ERBB4: variants seen among roughly 807,000 people sequenced by gnomAD.
ERBB4 encodes the protein receptor tyrosine-protein kinase erbB-4.
A neutral mutation model predicts 158.0 loss-of-function variants in ERBB4; 42 were observed. The ratio of observed to expected loss-of-function variants is 0.27; its 90% confidence interval spans 0.21 to 0.34. The LOEUF is 0.34. Among genes scored for constraint, ERBB4 ranks in the 10% least tolerant of loss-of-function variants. ERBB4 has a pLI of 1.00. For synonymous variants in ERBB4, 583 were observed against 558.7 expected, an observed-to-expected ratio of 1.04 and a Z score of -0.61; for missense variants, 1,333 against 1,624.1, an observed-to-expected ratio of 0.82 and a Z score of 3.08.
At chr2:212,425,350 G>T (rs895976723) in intron 1 of ERBB4, among the ~76,000 whole-genome samples, 4 of 146,584 alleles carry the variant, frequency 2.7e-5, no homozygotes, top group African/African-American at 9.9e-5. Flanking sequence ...ACATATATAT[G>T]AACATATATG....
intron 4 of ERBB4, among the ~76,000 whole-genome samples, chr2:211,754,375 G>A (rs2075233918): frequency 1.3e-5 from 2 of 150,422 alleles, no homozygotes; most frequent in Admixed American, 6.6e-5. Flanking sequence ...AACCTGGTAC[G>A]TGATTCTTCC....
intron 1 of ERBB4, among the ~76,000 whole-genome samples, chr2:212,439,344 T>C (rs564723912): frequency 6.6e-6 from 1 of 152,180 alleles, no homozygotes; most frequent in Non-Finnish European, 1.5e-5. Context: ...TATCTCTAAC[T>C]TTATCAGGTT....
At chr2:211,845,788 T>G (rs1206112911) in intron 3 of ERBB4, among the ~76,000 whole-genome samples, 1 of 152,154 alleles carries the variant, frequency 6.6e-6, no homozygotes, top group African/African-American at 2.4e-5. Context: ...ACTTGTTCAA[T>G]CTTATCTACT....
In ERBB4 at chr2:211,877,690, A is replaced by G. The variant is rs969568119; in HGVS notation, c.421+69740T>C. 2.0e-5 allele frequency among the ~76,000 whole-genome samples: 3 copies of G among 152,326 alleles called. No individual in the cohort carries two copies. In the South Asian group the frequency reaches 6.2e-4, roughly 32 times the overall value. On this transcript the variant is annotated intron_variant, in intron 3 of 27. Coordinates refer to ENST00000342788, the MANE Select transcript of ERBB4 (RefSeq NM_005235.3). ...GCATTTTTAAATGAAAACAATTTGTATAGGAAATAAATACCTGAATATACT... is the reference window on the plus strand; with the variant it reads ...GCATTTTTAAATGAAAACAATTTGTGTAGGAAATAAATACCTGAATATACT...
intron 1 of ERBB4, among the ~76,000 whole-genome samples, chr2:212,286,767 A>ATTTTGTTTTTT (rs2085995028): frequency 2.5e-5 from 1 of 39,562 alleles, no homozygotes. Flanking sequence ...ATGAGGGTTA[A>ATTTTGTTTTTT]TTTTTTTTTT....
intron 1 of ERBB4, among the ~76,000 whole-genome samples, chr2:212,316,740 T>C (rs973226824): frequency 1.3e-5 from 2 of 151,440 alleles, no homozygotes; most frequent in African/African-American, 4.8e-5. Flanking sequence ...GATTTTTGAG[T>C]GGTTAAAAAA....
intron 1 of ERBB4, among the ~76,000 whole-genome samples, chr2:212,335,780 A>T (rs912922856): frequency 6.6e-6 from 1 of 152,012 alleles, no homozygotes; most frequent in African/African-American, 2.4e-5. Flanking sequence ...CTATAGTGAG[A>T]GAGCAAGCGT....
intron 20 of ERBB4, among the ~76,000 whole-genome samples, chr2:211,524,807 C>T (rs1463891271): frequency 6.6e-6 from 1 of 152,156 alleles, no homozygotes; most frequent in Non-Finnish European, 1.5e-5. Flanking sequence ...CCTTGGCCAG[C>T]CCAGAAAGGG....
chr2:211,955,012 G>C (rs1429655823), intron 2 of ERBB4, among the ~76,000 whole-genome samples: 1 of 151,946 alleles, frequency 6.6e-6, no homozygotes, highest in Non-Finnish European at 1.5e-5. Context: ...TGCCACCCTG[G>C]CAAGGAGGGA....
chr2:211,820,073 C>T (rs1343199352), intron 3 of ERBB4, among the ~76,000 whole-genome samples: 2 of 151,668 alleles, frequency 1.3e-5, no homozygotes, highest in Non-Finnish European at 3.0e-5. Context: ...AAATCATTAA[C>T]CATTATTCTA....
intron 1 of ERBB4, among the ~76,000 whole-genome samples, chr2:212,355,501 C>T (rs1032860555): frequency 1.2e-4 from 18 of 152,006 alleles, no homozygotes; most frequent in African/African-American, 4.3e-4. Flanking sequence ...GGCTTAACAG[C>T]TATGGAAAAA....
intron 2 of ERBB4, among the ~76,000 whole-genome samples, chr2:212,097,631 G>T (rs1005757624): frequency 2.0e-5 from 3 of 152,138 alleles, no homozygotes; most frequent in Non-Finnish European, 4.4e-5. Context: ...TATTTAAATG[G>T]TGATGCAGAG....
chr2:212,422,937 CAGCTGGTTAATATTATGTGAAATACCACA>C (rs1192044815), intron 1 of ERBB4, among the ~76,000 whole-genome samples: 10 of 152,136 alleles, frequency 6.6e-5, no homozygotes, highest in Non-Finnish European at 1.5e-5. Flanking sequence ...TCATTGCTAA[CAGCTGGTTAATATTATGTGAAATACCACA>C]GAGTACAATA....
chr2:212,126,048 A>G (rs561117131), intron 1 of ERBB4, among the ~76,000 whole-genome samples: 2 of 152,354 alleles, frequency 1.3e-5, no homozygotes, highest in South Asian at 2.1e-4. Flanking sequence ...ATTGTTATCA[A>G]CTAGAGTATC....
intron 20 of ERBB4, among the ~76,000 whole-genome samples, chr2:211,492,177 G>T (rs1356913117): frequency 1.3e-5 from 2 of 152,086 alleles, no homozygotes; most frequent in Non-Finnish European, 2.9e-5. Context: ...TGGGAGCCTG[G>T]AACAAAAGTA....
At chr2:212,206,261 G>A (rs146442573) in intron 1 of ERBB4, among the ~76,000 whole-genome samples, 1 of 152,106 alleles carries the variant, frequency 6.6e-6, no homozygotes, top group African/African-American at 2.4e-5. Context: ...GCTACTTAGA[G>A]GCAGTCAAAT....
intron 1 of ERBB4, among the ~76,000 whole-genome samples, chr2:212,133,469 A>G (rs1303844367): frequency 1.6e-4 from 22 of 141,358 alleles, no homozygotes; most frequent in Middle Eastern, 3.6e-3. Flanking sequence ...CTGCAAGTTT[A>G]CCTTTTTATG....
chr2:212,326,282 G>T (rs765619582), intron 1 of ERBB4, among the ~76,000 whole-genome samples: 1 of 150,548 alleles, frequency 6.6e-6, no homozygotes, highest in Non-Finnish European at 1.5e-5. Context: ...ATTTATATTC[G>T]TATCACTGTT....
chr2:212,262,948 C>A (rs2084998519), intron 1 of ERBB4, among the ~76,000 whole-genome samples: 1 of 152,074 alleles, frequency 6.6e-6, no homozygotes. Context: ...TGAAGATTGT[C>A]CCCTCAAATT....
Sources: gnomAD v4.1 joint callset for allele counts (sites outside exome capture counted in the v4.1 genomes callset) on GRCh38, gnomAD v4.1.1 for gene constraint, MANE v1.5 for transcripts, NCBI Gene and HGNC (gene_info 2026-07-23, HGNC 2026-07-21) for gene names.